Variants in CTNNA2 observed in about 807,000 individuals in gnomAD.
CTNNA2 encodes the protein catenin alpha 2, also known as catenin alpha-2.
In CTNNA2, 42 loss-of-function variants were observed where a neutral mutation model predicts 101.0. The ratio of observed to expected loss-of-function variants is 0.42; its 90% CI spans 0.32 to 0.54. The LOEUF (loss-of-function observed/expected upper bound fraction) is 0.54. Ranked by LOEUF, CTNNA2 falls within the 20% of genes least tolerant of loss-of-function variation. The pLI, the probability that CTNNA2 is intolerant of heterozygous loss-of-function variation, is 0.14. For synonymous variants in CTNNA2, 450 were observed against 456.4 expected (o/e 0.99, Z 0.18); for missense variants, 871 against 1,223.1 (o/e 0.71, Z 4.29).
At chr2:79,209,987 C>T (rs1160143004) in intron 2 of CTNNA2, among the ~76,000 whole-genome samples, 1 of 150,632 alleles carries the variant, frequency 6.6e-6, no homozygotes, top group South Asian at 2.1e-4. Flanking sequence ...GGGGGTGTGG[C>T]GGGGGTATTG....
chr2:80,176,069 C>T (rs903647215), intron 7 of CTNNA2, among the ~76,000 whole-genome samples: 1 of 152,184 alleles, frequency 6.6e-6, no homozygotes, highest in Non-Finnish European at 1.5e-5. Context: ...TTTGGCAACA[C>T]CTTCACAGAT....
chr2:79,693,279 T>C (rs1191842504), intron 2 of CTNNA2, among the ~76,000 whole-genome samples: 1 of 150,208 alleles, frequency 6.7e-6, no homozygotes, highest in Non-Finnish European at 1.5e-5. Context: ...GGCATTCTTT[T>C]AAGTTGGCAA....
chr2:79,285,459 G>A, intron 2 of CTNNA2, among the ~76,000 whole-genome samples: 1 of 146,634 alleles, frequency 6.8e-6, no homozygotes, highest in African/African-American at 2.5e-5. Context: ...TTGTGTCTTT[G>A]TTCACGTTGG....
At chr2:80,466,118 A>G (rs972973716) in intron 9 of CTNNA2, among the ~76,000 whole-genome samples, 7 of 152,160 alleles carry the variant, frequency 4.6e-5, no homozygotes, top group African/African-American at 1.7e-4. Flanking sequence ...TCTGTAACTT[A>G]TATTGTAATT....
At chr2:80,234,514 T>G (rs1709439104) in intron 7 of CTNNA2, among the ~76,000 whole-genome samples, 1 of 152,208 alleles carries the variant, frequency 6.6e-6, no homozygotes, top group African/African-American at 2.4e-5. Context: ...ACTCATGACC[T>G]CTCAAAGGTA....
intron 6 of CTNNA2, among the ~76,000 whole-genome samples, chr2:79,908,262 A>T (rs957167078): frequency 1.3e-5 from 2 of 152,146 alleles, no homozygotes; most frequent in Non-Finnish European, 2.9e-5. Flanking sequence ...TATGTTTCGT[A>T]TTGTATTTGT....
chr2:80,645,967 T>C (rs556498330), intron 18 of CTNNA2, among the ~76,000 whole-genome samples: 2 of 152,204 alleles, frequency 1.3e-5, no homozygotes, highest in East Asian at 1.9e-4. Context: ...GCTCATTTGA[T>C]TGACATTTTT....
At chr2:80,033,574 GAAAAAC>G (rs1014742996) in intron 7 of CTNNA2, among the ~76,000 whole-genome samples, 4 of 152,060 alleles carry the variant, frequency 2.6e-5, no homozygotes, top group East Asian at 1.9e-4. Flanking sequence ...GTGAGACTCT[GAAAAAC>G]AAAAACAAAA....
At chr2:79,848,223 G>C (rs919441736) in intron 3 of CTNNA2, among the ~76,000 whole-genome samples, 13 of 152,118 alleles carry the variant, frequency 8.5e-5, no homozygotes, top group Admixed American at 6.5e-4. Context: ...CCTTATTTCA[G>C]AAATATATGT....
chr2:80,375,519 A>G (rs1259680011), intron 7 of CTNNA2, among the ~76,000 whole-genome samples: 4 of 146,154 alleles, frequency 2.7e-5, no homozygotes, highest in African/African-American at 1.0e-4. Context: ...AGCTGGTTTT[A>G]CTCAGGACTT....
chr2:80,164,443 C>T lies in CTNNA2; in HGVS notation c.1057-228768C>T, dbSNP rs999205979. Among the ~76,000 whole-genome samples, 12 of 151,952 alleles carry T rather than the reference C, an allele frequency of 7.9e-5. 1 individual carries two copies. Among genetic ancestry groups the T allele is most frequent in the Admixed American group, 5.2e-4 (8 of 15,254 alleles). ...TTTATCTGCCTTTATGTCCCTTTAT[C>T]CTCACTTTATTTATAGTTATTGTCA... On this transcript the variant is annotated intron_variant, in intron 7 of 18. Coordinates refer to ENST00000402739, the MANE Select transcript of CTNNA2 (RefSeq NM_001282597.3).
At chr2:80,088,537 T>C (rs1699586558) in intron 7 of CTNNA2, among the ~76,000 whole-genome samples, 1 of 152,104 alleles carries the variant, frequency 6.6e-6, no homozygotes, top group African/African-American at 2.4e-5. Context: ...GTCTATAATG[T>C]ATCTTTAAAT....
chr2:79,285,981 T>C (rs1675564887), intron 2 of CTNNA2, among the ~76,000 whole-genome samples: 1 of 148,814 alleles, frequency 6.7e-6, no homozygotes, highest in Non-Finnish European at 1.5e-5. Flanking sequence ...GCTCTTCTTG[T>C]TGAATTCATC....
At chr2:80,242,991 A>C (rs1671055483) in intron 7 of CTNNA2, among the ~76,000 whole-genome samples, 1 of 152,222 alleles carries the variant, frequency 6.6e-6, no homozygotes, top group African/African-American at 2.4e-5. Flanking sequence ...TCATTTGAAC[A>C]CAGGCCCAAA....
At chr2:80,084,951 G>T (rs578038471) in intron 7 of CTNNA2, among the ~76,000 whole-genome samples, 15 of 152,070 alleles carry the variant, frequency 9.9e-5, no homozygotes, top group Non-Finnish European at 1.5e-4. Context: ...ATAAAAGTGG[G>T]ATTCCTAGAA....
chr2:80,566,680 G>T (rs79369923), intron 12 of CTNNA2, among the ~76,000 whole-genome samples: 2 of 152,172 alleles, frequency 1.3e-5, no homozygotes, highest in Non-Finnish European at 2.9e-5. Flanking sequence ...GAGCTAGATC[G>T]TGGAGAAGGA....
intron 13 of CTNNA2, among the ~76,000 whole-genome samples, chr2:80,580,915 C>CT (rs1695479612): frequency 6.6e-6 from 1 of 152,068 alleles, no homozygotes; most frequent in Admixed American, 6.6e-5. Flanking sequence ...ACTTGGGTGG[C>CT]TGAGGTACAA....
At chr2:79,943,251 A>G (rs896209762) in intron 7 of CTNNA2, among the ~76,000 whole-genome samples, 23 of 151,684 alleles carry the variant, frequency 1.5e-4, no homozygotes, top group Admixed American at 9.2e-4. Context: ...CTTAGTTCAT[A>G]AAACAACTTT....
Position 80,060,534 on chromosome 2 carries a change from G to A in CTNNA2, c.1056+150737G>A, listed in dbSNP as rs142668845. ...CCAAGACCCCATGACCTGGCTCCTC[G>A]CGTGCCTACCTCTCCCCAGCATCTC... On this transcript the variant is annotated intron_variant, in intron 7 of 18. Transcript: ENST00000402739. Among the ~76,000 whole-genome samples, 200 of 152,206 alleles carry A rather than the reference G, an allele frequency of 1.3e-3. 1 individual carries two copies. Among genetic ancestry groups the A allele is most frequent in the South Asian group, 6.0e-3 (29 of 4,820 alleles).
Sources: allele counts gnomAD v4.1 joint callset (sites outside exome capture counted in the v4.1 genomes callset), GRCh38; gene constraint gnomAD v4.1.1; transcripts MANE v1.5; gene names NCBI Gene and HGNC (gene_info 2026-07-23, HGNC 2026-07-21).